SDK1: variants seen among roughly 807,000 people sequenced by gnomAD.
The protein encoded by SDK1 is sidekick cell adhesion molecule 1.
In SDK1, 157 loss-of-function variants were observed where a neutral mutation model predicts 245.5. That is an observed-to-expected ratio of 0.64 (90% CI 0.56 to 0.73). SDK1 has a LOEUF of 0.73. SDK1 is among the 30% of genes least tolerant of loss of function. The probability of loss-of-function intolerance (pLI) is 0.00; values close to 1 mark genes in which losing one functional copy is unlikely to be tolerated. For synonymous variants in SDK1, 1,647 were observed against 1,278.5 expected (o/e 1.29, Z -6.15); for missense variants, 3,583 against 3,002.3 (o/e 1.19, Z -4.52).
chr7:4,139,649 ATGTGTGTGTGTATATG>A lies in SDK1; in HGVS notation c.4229-6063_4229-6048del, dbSNP rs1165452019. On this transcript the variant is annotated intron_variant, in intron 28 of 44. Transcript: ENST00000404826. ...TGTATATGTATATATGTGTGTGTAT[ATGTGTGTGTGTATATG>A]TGTGTGTGTATATGTGTGTGTGTGT... Among the ~76,000 whole-genome samples, 29 of 97,382 alleles carry A rather than the reference ATGTGTGTGTGTATATG, an allele frequency of 3.0e-4. 3 individuals carry two copies. Among genetic ancestry groups the A allele is most frequent in the Admixed American group, 8.9e-4 (9 of 10,122 alleles). 63.9% of individuals were successfully genotyped at this position (97,382 alleles called of 152,430 possible).
chr7:4,221,216 C>G (rs772602857), intron 39 of SDK1, 23 bp from the exon 40 acceptor site: 1 of 1,611,712 alleles, frequency 6.2e-7, no homozygotes, highest in Non-Finnish European at 8.5e-7. Flanking sequence ...TGCCTCACCT[C>G]TCTTTTCTTC....
intron 5 of SDK1, among the ~76,000 whole-genome samples, chr7:3,881,879 G>A (rs964562823): frequency 2.6e-5 from 4 of 152,178 alleles, no homozygotes; most frequent in African/African-American, 9.7e-5. Flanking sequence ...GATGGGCTAC[G>A]GAAGCTTGGA....
chr7:3,711,636 A>G lies in SDK1; in HGVS notation c.713+69531A>G, dbSNP rs140535107. Among the ~76,000 whole-genome samples the G allele has an allele frequency of 8.9e-4, 136 of 152,320 alleles. 1 individual carries two copies. Among genetic ancestry groups the G allele is most frequent in the African/African-American group, 3.2e-3 (133 of 41,568 alleles). ...GGAGTTGACATGTTCAAAGAGCCCA[A>G]AGCAGAAAAGCTGTTTGGTCAAGAA... On this transcript the variant is annotated intron_variant, in intron 4 of 44. Coordinates refer to ENST00000404826, the MANE Select transcript of SDK1 (RefSeq NM_152744.4).
chr7:3,712,683 C>T (rs147150120), intron 4 of SDK1, among the ~76,000 whole-genome samples: 24 of 152,226 alleles, frequency 1.6e-4, no homozygotes, highest in Non-Finnish European at 2.6e-4. Flanking sequence ...TGGCAGTGGG[C>T]ATATGAACAG....
intron 5 of SDK1, among the ~76,000 whole-genome samples, chr7:3,942,810 G>A (rs916490416): frequency 6.6e-5 from 10 of 152,164 alleles, no homozygotes; most frequent in Admixed American, 6.5e-5. Flanking sequence ...TTGTACTACG[G>A]TTTTTCTCGT....
chr7:3,708,318 T>C (rs1286307597), intron 4 of SDK1, among the ~76,000 whole-genome samples: 2 of 142,408 alleles, frequency 1.4e-5, no homozygotes, highest in African/African-American at 5.3e-5. Flanking sequence ...ACCTCCAAGG[T>C]CCAGTTACCT....
rs531450979 is a variant in SDK1, at chr7:3,653,728, C to T, written c.713+11623C>T. 6.8e-3 allele frequency among the ~76,000 whole-genome samples: 1,029 copies of T among 152,184 alleles called. 4 individuals are homozygous for T. The highest frequency in any genetic ancestry group is 9.1e-3 in the Admixed American group (139 of 15,278). ...ACGGGTTGGGAGTGCTGGCTCACAG[C>T]TGTGATGAGGGTTTGCTCTAGCTAG... is the stretch of plus-strand genomic sequence containing the variant. On this transcript the variant is annotated intron_variant, in intron 4 of 44. Coordinates refer to ENST00000404826, the MANE Select transcript of SDK1 (RefSeq NM_152744.4).
intron 24 of SDK1, 66 bp downstream of exon 24, chr7:4,113,505 T>C: frequency 1.9e-6 from 3 of 1,557,364 alleles, no homozygotes; most frequent in Non-Finnish European, 2.6e-6. Context: ...CACACACTAA[T>C]CCAGGGCTTA....
At chr7:4,073,200 T>C (rs1367665972) in intron 20 of SDK1, among the ~76,000 whole-genome samples, 2 of 152,136 alleles carry the variant, frequency 1.3e-5, no homozygotes, top group African/African-American at 2.4e-5. Context: ...AAGCAGAGGA[T>C]GCATCCCCTG....
At chr7:3,759,638 C>T (rs929014620) in intron 4 of SDK1, among the ~76,000 whole-genome samples, 3 of 150,474 alleles carry the variant, frequency 2.0e-5, no homozygotes, top group Admixed American at 1.3e-4. Flanking sequence ...TTGCTCTTGT[C>T]GCCCAGGCTG....
chr7:3,503,499 G>A (rs1782283896), intron 1 of SDK1, among the ~76,000 whole-genome samples: 1 of 152,058 alleles, frequency 6.6e-6, no homozygotes, highest in South Asian at 2.1e-4. Context: ...GCAATATAGT[G>A]AGAACCTTCC....
intron 1 of SDK1, among the ~76,000 whole-genome samples, chr7:3,367,026 T>G (rs1457603263): frequency 6.6e-6 from 1 of 152,102 alleles, no homozygotes; most frequent in East Asian, 1.9e-4. Context: ...AGGCGTGAGC[T>G]ACCGCGCCCG....
At chr7:3,988,760 T>A (rs534143196) in intron 14 of SDK1, among the ~76,000 whole-genome samples, 1 of 152,242 alleles carries the variant, frequency 6.6e-6, no homozygotes, top group East Asian at 1.9e-4. Context: ...CCAGCCCGAT[T>A]TCACCTTTTG....
intron 5 of SDK1, among the ~76,000 whole-genome samples, chr7:3,847,985 T>C (rs76360159): frequency 2.0e-5 from 3 of 152,316 alleles, no homozygotes; most frequent in East Asian, 1.9e-4. Flanking sequence ...TATCGTACTT[T>C]CCTGCAACAT....
chr7:3,343,270 A>G (rs1257131585), intron 1 of SDK1, among the ~76,000 whole-genome samples: 1 of 152,242 alleles, frequency 6.6e-6, no homozygotes. Context: ...GAAACAGCCC[A>G]GATGTCCTTC....
chr7:4,174,902 T>G (rs1782096616), intron 33 of SDK1, among the ~76,000 whole-genome samples: 1 of 152,184 alleles, frequency 6.6e-6, no homozygotes, highest in African/African-American at 2.4e-5. Flanking sequence ...ACCCCTCCTC[T>G]GTTGGATGGA....
chr7:3,615,813 C>T (rs781229097), intron 1 of SDK1, among the ~76,000 whole-genome samples: 4 of 151,690 alleles, frequency 2.6e-5, no homozygotes, highest in African/African-American at 4.8e-5. Flanking sequence ...TTTTCCTTCT[C>T]ACATTACAGC....
At chr7:4,178,278 T>C (rs904998241) in intron 34 of SDK1, among the ~76,000 whole-genome samples, 1 of 152,112 alleles carries the variant, frequency 6.6e-6, no homozygotes. Context: ...GGTACGTCTT[T>C]TGCTTAATGG....
chr7:3,813,007 T>G (rs1396606550), intron 4 of SDK1, among the ~76,000 whole-genome samples: 1 of 152,236 alleles, frequency 6.6e-6, no homozygotes, highest in Non-Finnish European at 1.5e-5. Context: ...GTGTTTGCTC[T>G]TGATGGAATA....
Sources: allele counts gnomAD v4.1 joint callset (sites outside exome capture counted in the v4.1 genomes callset), GRCh38; gene constraint gnomAD v4.1.1; transcripts MANE v1.5; gene names NCBI Gene and HGNC (gene_info 2026-07-23, HGNC 2026-07-21).